Variants in EXOC4 observed in about 807,000 individuals in gnomAD.
EXOC4 encodes the protein SEC8-like 1.
Under a neutral mutation model 107.2 loss-of-function variants are expected in EXOC4, and 71 were observed. The observed-to-expected ratio is 0.66, with a 90% CI of 0.55 to 0.81. The LOEUF (loss-of-function observed/expected upper bound fraction) is 0.81, where lower values mean the gene tolerates loss of function less well. Among genes scored for constraint, EXOC4 ranks in the 30% least tolerant of loss-of-function variants. The pLI is 0.00. For synonymous variants in EXOC4, 456 were observed against 441.2 expected, an observed-to-expected ratio of 1.03 and a Z score of -0.42; for missense variants, 1,108 against 1,189.6, an observed-to-expected ratio of 0.93 and a Z score of 1.01.
At position 133,713,527 on chromosome 7, in the gene EXOC4, CA is replaced by C. The variant is rs1233513109; in HGVS notation, c.1514+83392del. On this transcript the variant is annotated intron_variant, in intron 10 of 17. Coordinates refer to ENST00000253861, the MANE Select transcript of EXOC4 (RefSeq NM_021807.4). ...TAAGGTTCTGTTTGAATAGAAAGAC[CA>C]AAAAATAAGTAAACAAACACAAGAA... Among the ~76,000 whole-genome samples, 3 of 152,100 alleles carry C rather than the reference CA, an allele frequency of 2.0e-5. No individual in the cohort carries two copies. The East Asian group carries it at 5.8e-4, about 29-fold the overall frequency.
intron 10 of EXOC4, among the ~76,000 whole-genome samples, chr7:133,675,231 G>A (rs956106834): frequency 1.8e-4 from 27 of 152,076 alleles, no homozygotes; most frequent in African/African-American, 6.0e-4. Context: ...GAGTTTTCAA[G>A]GCGACCCCAG....
intron 10 of EXOC4, among the ~76,000 whole-genome samples, chr7:133,748,893 C>G (rs1795732061): frequency 6.6e-6 from 1 of 152,156 alleles, no homozygotes; most frequent in South Asian, 2.1e-4. Flanking sequence ...CCTTATCAGT[C>G]AGGGAAAGGT....
intron 10 of EXOC4, among the ~76,000 whole-genome samples, chr7:133,673,781 A>T (rs576157872): frequency 1.3e-5 from 2 of 152,320 alleles, no homozygotes; most frequent in Admixed American, 6.5e-5. Flanking sequence ...TCTGTTAAGT[A>T]TGTTTTTCAA....
At chr7:133,904,495 G>A (rs1345586656) in intron 12 of EXOC4, among the ~76,000 whole-genome samples, 1 of 152,150 alleles carries the variant, frequency 6.6e-6, no homozygotes, top group Non-Finnish European at 1.5e-5. Context: ...ACATATTCTG[G>A]TCATCAGGAG....
At chr7:133,600,564 C>G (rs969788661) in intron 9 of EXOC4, among the ~76,000 whole-genome samples, 1 of 152,140 alleles carries the variant, frequency 6.6e-6, no homozygotes, top group Non-Finnish European at 1.5e-5. Flanking sequence ...TTTTCCAGAA[C>G]GCCAAATAAT....
intron 7 of EXOC4, among the ~76,000 whole-genome samples, chr7:133,448,441 A>G (rs954981271): frequency 2.0e-5 from 3 of 151,944 alleles, no homozygotes; most frequent in African/African-American, 7.3e-5. Flanking sequence ...AGGACCACAG[A>G]CACACACCAC....
intron 10 of EXOC4, among the ~76,000 whole-genome samples, chr7:133,780,692 T>C (rs1365295238): frequency 6.6e-6 from 1 of 152,172 alleles, no homozygotes; most frequent in Non-Finnish European, 1.5e-5. Context: ...TGGCCTGTCA[T>C]GCTTAATCAC....
intron 2 of EXOC4, among the ~76,000 whole-genome samples, chr7:133,282,443 CAG>C (rs1366939022): frequency 2.0e-5 from 3 of 152,076 alleles, no homozygotes; most frequent in South Asian, 2.1e-4. Context: ...TAGGAAGAAA[CAG>C]AGTAACATAA....
At chr7:133,335,378 C>CCCCATTCTA (rs1322353998) in intron 5 of EXOC4, among the ~76,000 whole-genome samples, 3 of 152,146 alleles carry the variant, frequency 2.0e-5, no homozygotes, top group African/African-American at 7.2e-5. Context: ...TCCACCAACC[C>CCCCATTCTA]CTGGCGGCCC....
chr7:133,878,164 A>G (rs923292438), intron 11 of EXOC4, among the ~76,000 whole-genome samples: 1 of 152,214 alleles, frequency 6.6e-6, no homozygotes, highest in African/African-American at 2.4e-5. Flanking sequence ...CACTATCACA[A>G]TTAGAAAAAG....
At chr7:134,059,796 G>A (rs1178409030) in intron 17 of EXOC4, among the ~76,000 whole-genome samples, 1 of 151,990 alleles carries the variant, frequency 6.6e-6, no homozygotes, top group Non-Finnish European at 1.5e-5. Context: ...GCCAAACTGT[G>A]GTTTATCTTT....
intron 6 of EXOC4, among the ~76,000 whole-genome samples, chr7:133,374,460 A>C (rs1228662704): frequency 2.0e-5 from 3 of 152,180 alleles, no homozygotes; most frequent in Non-Finnish European, 4.4e-5. Context: ...TTGTCTGAAA[A>C]AATTACATGA....
chr7:133,981,807 T>A (rs553765860), intron 14 of EXOC4, among the ~76,000 whole-genome samples: 12 of 152,130 alleles, frequency 7.9e-5, no homozygotes, highest in Non-Finnish European at 1.8e-4. Flanking sequence ...TGTATGCAAA[T>A]GTTGACTGCA....
chr7:133,596,849 C>T (rs564956752), intron 9 of EXOC4, among the ~76,000 whole-genome samples: 6 of 152,194 alleles, frequency 3.9e-5, no homozygotes, highest in South Asian at 2.1e-4. Flanking sequence ...GAAGACCCTA[C>T]GTCTCATTAG....
intron 9 of EXOC4, among the ~76,000 whole-genome samples, chr7:133,629,402 T>G (rs1327256170): frequency 6.6e-6 from 1 of 152,216 alleles, no homozygotes; most frequent in Non-Finnish European, 1.5e-5. Context: ...AGATGGACAC[T>G]GGTCATTAGA....
At chr7:133,479,042 T>G in intron 8 of EXOC4, 1 of 152,168 alleles carries the variant, frequency 6.6e-6, no homozygotes, top group East Asian at 1.9e-4. Flanking sequence ...AAAATGATGG[T>G]GTGCCTGCCT....
At position 133,258,452 on chromosome 7, in the gene EXOC4, C is replaced by G. The variant is rs1233135728; in HGVS notation, c.86+5265C>G. Among the ~76,000 whole-genome samples, 3 of 152,174 alleles carry G rather than the reference C, an allele frequency of 2.0e-5. No individual in the cohort carries two copies. In the East Asian group the frequency reaches 5.8e-4, roughly 29 times the overall value. ...AAACTTGCTGTATTACCTGTGTAAC[C>G]TTGGAACAGTTACTTAAAACCACCG... On this transcript the variant is annotated intron_variant, in intron 1 of 17. Transcript: ENST00000253861.
At chr7:133,920,509 A>G (rs1265057754) in intron 13 of EXOC4, among the ~76,000 whole-genome samples, 39 of 152,098 alleles carry the variant, frequency 2.6e-4, no homozygotes, top group Admixed American at 2.4e-3. Context: ...ATACATTTAT[A>G]ACTAATCCAA....
intron 11 of EXOC4, among the ~76,000 whole-genome samples, chr7:133,872,277 G>T (rs1177844981): frequency 6.6e-6 from 1 of 152,126 alleles, no homozygotes; most frequent in Non-Finnish European, 1.5e-5. Context: ...TGCATAGAAA[G>T]TTCCCATTTT....
Sources: allele counts gnomAD v4.1 joint callset (sites outside exome capture counted in the v4.1 genomes callset), GRCh38; gene constraint gnomAD v4.1.1; transcripts MANE v1.5; gene names NCBI Gene and HGNC (gene_info 2026-07-23, HGNC 2026-07-21).